BARD1: variants seen among roughly 807,000 people sequenced by gnomAD.
BARD1 encodes the protein BRCA1 associated RING domain 1.
In BARD1, 73 loss-of-function variants were observed where a neutral mutation model predicts 77.0. That is an observed-to-expected ratio of 0.95 (90% confidence interval 0.79 to 1.15). BARD1 has a LOEUF of 1.15. Ranked by LOEUF, BARD1 falls within the 50% of genes most tolerant of loss-of-function variation. The pLI is 0.00. For missense variants in BARD1, 993 were observed against 938.8 expected (o/e 1.06, Z -0.75); for synonymous variants, 384 against 338.0 (o/e 1.14, Z -1.49).
intron 4 of BARD1, among the ~76,000 whole-genome samples, chr2:214,770,411 T>G (rs1054114917): frequency 4.6e-5 from 7 of 152,204 alleles, no homozygotes; most frequent in Admixed American, 3.3e-4. Flanking sequence ...AGTAGCACAC[T>G]GATGCAATGG....
chr2:214,795,475 T>A (rs1400801425), intron 2 of BARD1, among the ~76,000 whole-genome samples: 1 of 152,100 alleles, frequency 6.6e-6, no homozygotes, highest in Admixed American at 6.6e-5. Flanking sequence ...AGGAACCCAC[T>A]AAAGAGTTTA....
rs1445911684 is a variant in BARD1 at position 214,809,622 on chromosome 2, C to T, written c.-53G>A. ...CGCAGAGCGGGAAGCAAGGAAGCCTCGGGAAACCACAGGGAAGCTGCAGGC... is the reference window on the plus strand; with the variant it reads ...CGCAGAGCGGGAAGCAAGGAAGCCTTGGGAAACCACAGGGAAGCTGCAGGC... On this transcript the variant is annotated 5_prime_UTR_variant, in exon 1 of 11. Coordinates refer to ENST00000260947, the MANE Select transcript of BARD1 (RefSeq NM_000465.4). 1 of 1,520,856 alleles carries T rather than the reference C, an allele frequency of 6.6e-7. No homozygotes were observed. The highest frequency in any genetic ancestry group is 8.8e-7 in the Non-Finnish European group (1 of 1,135,488). The allele number at this position is 1,520,856 out of a possible 1,614,324, so 94.2% of individuals were successfully genotyped here. A position where few individuals can be genotyped will look rare whatever the true frequency, so the allele number is the denominator to read the frequency against.
Position 214,780,540 on chromosome 2 carries a change from T to C in BARD1, c.1314+20A>G. ...TAGTTGGCCTCATTCTGAGATGGTA[T>C]TTCAGAGTAAGCATCCTACCTTAAT... On this transcript the variant is annotated intron_variant, in intron 4 of 10. Transcript: ENST00000260947. 6.2e-7 allele frequency: 1 copy of C among 1,606,684 alleles called. No individual in the cohort carries two copies. The highest frequency in any genetic ancestry group is 8.5e-7 in the Non-Finnish European group (1 of 1,173,572).
chr2:214,792,738 T>C (rs771527779), intron 2 of BARD1, among the ~76,000 whole-genome samples: 1 of 152,210 alleles, frequency 6.6e-6, no homozygotes, highest in Admixed American at 6.5e-5. Context: ...AACAGAAAGA[T>C]AGAATGCCTA....
intron 4 of BARD1, among the ~76,000 whole-genome samples, chr2:214,771,068 C>T (rs1168212029): frequency 1.3e-5 from 2 of 152,188 alleles, no homozygotes; most frequent in East Asian, 3.8e-4. Context: ...AAGAAGGAGG[C>T]ATTTATGCAG....
At chr2:214,805,329 A>C (rs1696218658) in intron 1 of BARD1, among the ~76,000 whole-genome samples, 1 of 152,186 alleles carries the variant, frequency 6.6e-6, no homozygotes, top group South Asian at 2.1e-4. Context: ...TAAAGGCAGA[A>C]GTAGAAAATG....
intron 9 of BARD1, among the ~76,000 whole-genome samples, chr2:214,738,422 G>A (rs77698680): frequency 0.029 from 4,463 of 152,146 alleles, 217 homozygotes; most frequent in African/African-American, 0.1. Context: ...TAATAATGAC[G>A]CTTATGAATT....
intron 9 of BARD1, among the ~76,000 whole-genome samples, chr2:214,733,569 A>G (rs1692446819): frequency 6.6e-6 from 1 of 152,174 alleles, no homozygotes; most frequent in Non-Finnish European, 1.5e-5. Flanking sequence ...GTACAAGAGA[A>G]GTCATAATCT....
At position 214,745,639 on chromosome 2, in the gene BARD1, G is replaced by A; in HGVS notation, c.1810+83C>T. On this transcript the variant is annotated intron_variant, in intron 8 of 10. Coordinates refer to ENST00000260947, the MANE Select transcript of BARD1 (RefSeq NM_000465.4). Reference sequence around the variant, plus strand: ...CCATCTCCCAATGGTTAAAACATATGTAAATTATCAAAGGTAGTTCTCCAA... The same window carrying A: ...CCATCTCCCAATGGTTAAAACATATATAAATTATCAAAGGTAGTTCTCCAA... 6 of 1,528,520 alleles carry A rather than the reference G, an allele frequency of 3.9e-6. No homozygotes were observed. In the South Asian group the frequency reaches 6.7e-5, roughly 17 times the overall value. 94.7% of individuals were successfully genotyped at this position (1,528,520 alleles called of 1,614,324 possible). A position where few individuals can be genotyped will look rare whatever the true frequency, so the allele number is the denominator to read the frequency against.
intron 9 of BARD1, among the ~76,000 whole-genome samples, chr2:214,733,807 TCTCA>T (rs1692456275): frequency 6.6e-6 from 1 of 152,202 alleles, no homozygotes; most frequent in South Asian, 2.1e-4. Flanking sequence ...ACTGAGATAA[TCTCA>T]ATCATGGTAT....
chr2:214,797,467 C>G (rs1376353919), intron 1 of BARD1, among the ~76,000 whole-genome samples: 9 of 152,146 alleles, frequency 5.9e-5, no homozygotes, highest in African/African-American at 2.2e-4. Context: ...GTATCTTCCC[C>G]TTATGATTCA....
chr2:214,745,018 A>C (rs1693030632), intron 9 of BARD1, 49 bp downstream of exon 9: 1 of 1,519,864 alleles, frequency 6.6e-7, no homozygotes, highest in Non-Finnish European at 9.1e-7. Context: ...ACCATGAAAA[A>C]CAAAACTAGT....
chr2:214,782,145 T>C (rs984180937), intron 3 of BARD1, among the ~76,000 whole-genome samples: 1 of 152,168 alleles, frequency 6.6e-6, no homozygotes, highest in East Asian at 1.9e-4. Flanking sequence ...AAGACAATAG[T>C]CATGACCCTT....
intron 9 of BARD1, among the ~76,000 whole-genome samples, chr2:214,743,660 T>C (rs1692952540): frequency 6.6e-6 from 1 of 151,822 alleles, no homozygotes; most frequent in Non-Finnish European, 1.5e-5. Context: ...CTCGGCTCAC[T>C]GCAACCTCCA....
chr2:214,791,891 T>G (rs934782254), intron 3 of BARD1, among the ~76,000 whole-genome samples: 6 of 152,202 alleles, frequency 3.9e-5, no homozygotes, highest in Non-Finnish European at 8.8e-5. Flanking sequence ...TGGGCTTTAT[T>G]TCTCCAGCTT....
chr2:214,754,338 C>CA (rs752135719), intron 6 of BARD1, among the ~76,000 whole-genome samples: 1 of 146,004 alleles, frequency 6.8e-6, no homozygotes, highest in Non-Finnish European at 1.5e-5. Flanking sequence ...ACTGTTTCAA[C>CA]AAAAAAAGAA....
intron 3 of BARD1, among the ~76,000 whole-genome samples, chr2:214,790,898 T>C (rs564085826): frequency 2.0e-5 from 3 of 152,230 alleles, no homozygotes; most frequent in African/African-American, 7.2e-5. Flanking sequence ...GGGCCCTTGA[T>C]TAAGAACCCC....
At chr2:214,792,253 T>C in intron 3 of BARD1, 44 bp downstream of exon 3, 1 of 1,572,738 alleles carries the variant, frequency 6.4e-7, no homozygotes. Context: ...TTCATCAGTT[T>C]TTAACTGATG....
chr2:214,802,857 T>C (rs951507290), intron 1 of BARD1, among the ~76,000 whole-genome samples: 10 of 152,220 alleles, frequency 6.6e-5, no homozygotes, highest in African/African-American at 1.9e-4. Context: ...GTCATACTTC[T>C]GTAACTTTAC....
Sources: allele counts gnomAD v4.1 joint callset (sites outside exome capture counted in the v4.1 genomes callset), GRCh38; gene constraint gnomAD v4.1.1; transcripts MANE v1.5; gene names NCBI Gene and HGNC (gene_info 2026-07-23, HGNC 2026-07-21).